The following NETO1 variants were observed in gnomAD, a reference collection of about 807,000 sequenced individuals.
NETO1 encodes neuropilin and tolloid like 1.
NETO1 carries 26 observed loss-of-function variants against 61.3 expected under a neutral mutation model. The observed-to-expected ratio is 0.42, with a 90% CI of 0.31 to 0.59. The LOEUF (loss-of-function observed/expected upper bound fraction) is 0.59. NETO1 is among the 20% of genes least tolerant of loss of function. The pLI, the probability that NETO1 is intolerant of heterozygous loss-of-function variation, is 0.12. For missense variants in NETO1, 531 were observed against 662.8 expected, an observed-to-expected ratio of 0.80 and a Z score of 2.18; for synonymous variants, 225 against 225.8, an observed-to-expected ratio of 1.00 and a Z score of 0.03.
In NETO1 at chr18:72,861,232, A is replaced by T. The variant is rs116504416; in HGVS notation, c.221-2158T>A. 1.8e-3 allele frequency among the ~76,000 whole-genome samples: 270 copies of T among 152,348 alleles called. 3 individuals are homozygous for T. Among genetic ancestry groups the T allele is most frequent in the African/African-American group, 5.8e-3 (242 of 41,574 alleles). On this transcript the variant is annotated intron_variant, in intron 3 of 10. Transcript: ENST00000327305. ...TATGGCTTTTGGTAGGCAACATTGT[A>T]TGTGGATGATTTATTTTCTTTTGGT...
chr18:72,749,742 T>C (rs997668510), intron 9 of NETO1, among the ~76,000 whole-genome samples: 3 of 152,162 alleles, frequency 2.0e-5, no homozygotes, highest in Non-Finnish European at 4.4e-5. Flanking sequence ...GAAGTAAGTT[T>C]GCATTATAAA....
intron 7 of NETO1, among the ~76,000 whole-genome samples, chr18:72,779,388 C>A (rs1259889707): frequency 3.3e-5 from 5 of 151,842 alleles, no homozygotes; most frequent in Admixed American, 2.0e-4. Context: ...TTAACTATCA[C>A]CCTCTACAAG....
At chr18:72,865,277 C>G (rs375033790) in intron 1 of NETO1, 36 bp from the exon 2 acceptor site, 2 of 1,462,136 alleles carry the variant, frequency 1.4e-6, no homozygotes, top group Non-Finnish European at 1.9e-6. Context: ...ATAAAATACA[C>G]TGAAATGATC....
intron 6 of NETO1, among the ~76,000 whole-genome samples, chr18:72,787,872 C>A (rs1016784032): frequency 1.3e-5 from 2 of 151,986 alleles, no homozygotes; most frequent in Admixed American, 1.3e-4. Flanking sequence ...AGAAAACAAT[C>A]AAAAACAAAA....
intron 7 of NETO1, among the ~76,000 whole-genome samples, chr18:72,766,894 C>T (rs1487231158): frequency 6.6e-6 from 1 of 152,154 alleles, no homozygotes; most frequent in Non-Finnish European, 1.5e-5. Flanking sequence ...ATTATGTCTG[C>T]CTTGATTCAG....
chr18:72,780,229 C>T (rs906824287), intron 7 of NETO1, among the ~76,000 whole-genome samples: 2 of 152,162 alleles, frequency 1.3e-5, no homozygotes, highest in South Asian at 4.1e-4. Context: ...TGTTGTAAAA[C>T]TCATCATTTG....
intron 6 of NETO1, among the ~76,000 whole-genome samples, chr18:72,792,573 C>T (rs1037260402): frequency 2.0e-5 from 3 of 151,728 alleles, no homozygotes; most frequent in South Asian, 4.2e-4. Flanking sequence ...CTGGAATTAC[C>T]GCCACAGCTT....
At chr18:72,820,382 A>ATACTTCAATACTTTCCTTATTTAT in intron 4 of NETO1, among the ~76,000 whole-genome samples, 1 of 152,224 alleles carries the variant, frequency 6.6e-6, no homozygotes, top group African/African-American at 2.4e-5. Context: ...AGCAAAATCA[A>ATACTTCAATACTTTCCTTATTTAT]TGATGGAATA....
chr18:72,835,042 T>C, intron 4 of NETO1: 1 of 1,031,092 alleles, frequency 9.7e-7, no homozygotes, highest in Non-Finnish European at 1.2e-6. Context: ...AGGAGAATGG[T>C]GAGGAAAGGA....
chr18:72,864,016 T>C (rs1032977496), intron 3 of NETO1, among the ~76,000 whole-genome samples: 1 of 152,046 alleles, frequency 6.6e-6, no homozygotes, highest in Non-Finnish European at 1.5e-5. Context: ...GGTCATGAGT[T>C]TGAGACCAGC....
chr18:72,788,071 A>G (rs1276859929), intron 6 of NETO1, among the ~76,000 whole-genome samples: 4 of 152,172 alleles, frequency 2.6e-5, no homozygotes, highest in African/African-American at 9.7e-5. Flanking sequence ...TAGAAAGTCA[A>G]TTTGCATATT....
chr18:72,758,054 G>T (rs2070843322), intron 7 of NETO1, among the ~76,000 whole-genome samples: 1 of 75,650 alleles, frequency 1.3e-5, no homozygotes, highest in African/African-American at 5.7e-5. Context: ...TAAATAGGAA[G>T]GGGTAGTTTA....
intron 4 of NETO1, among the ~76,000 whole-genome samples, chr18:72,853,551 A>G (rs2074321940): frequency 6.6e-6 from 1 of 152,042 alleles, no homozygotes; most frequent in Non-Finnish European, 1.5e-5. Flanking sequence ...TGAGGCCAGG[A>G]GTTCAAGACT....
At chr18:72,813,283 G>A (rs1392439066) in intron 4 of NETO1, among the ~76,000 whole-genome samples, 2 of 152,210 alleles carry the variant, frequency 1.3e-5, no homozygotes, top group Non-Finnish European at 2.9e-5. Context: ...ACATTTAAGT[G>A]ACAAGGGTTA....
intron 4 of NETO1, among the ~76,000 whole-genome samples, chr18:72,812,896 T>TA (rs1399183779): frequency 6.6e-6 from 1 of 152,218 alleles, no homozygotes; most frequent in Admixed American, 6.5e-5. Context: ...CTATGACACA[T>TA]AAATTGTGTA....
chr18:72,823,247 G>T (rs1342877749), intron 4 of NETO1, among the ~76,000 whole-genome samples: 1 of 152,186 alleles, frequency 6.6e-6, no homozygotes, highest in Non-Finnish European at 1.5e-5. Context: ...TAGTCTGGTA[G>T]TGAGAGACAA....
At chr18:72,757,486 C>T (rs1005073693) in intron 7 of NETO1, among the ~76,000 whole-genome samples, 5 of 151,924 alleles carry the variant, frequency 3.3e-5, no homozygotes, top group Admixed American at 1.3e-4. Flanking sequence ...GGTTCTTCAT[C>T]CCCTACCTCC....
At position 72,864,143 on chromosome 18, in the gene NETO1, CA is replaced by C. The variant is rs754053874; in HGVS notation, c.220+664del. Among the ~76,000 whole-genome samples the C allele has an allele frequency of 7.2e-5, 11 of 151,960 alleles. 1 individual carries two copies. The East Asian group carries it at 1.9e-3, about 27-fold the overall frequency. ...CTGAGGCAGGAGAATCGCTGGAACT[CA>C]GGGGACTCTCGCTTTGTCTCAAAAA... On this transcript the variant is annotated intron_variant, in intron 3 of 10. Coordinates refer to ENST00000327305, the MANE Select transcript of NETO1 (RefSeq NM_138966.5).
intron 4 of NETO1, among the ~76,000 whole-genome samples, chr18:72,845,770 A>C (rs980173511): frequency 2.0e-5 from 3 of 152,246 alleles, no homozygotes; most frequent in Non-Finnish European, 4.4e-5. Context: ...CATCCAAACC[A>C]TACACTAAAT....
Sources: gnomAD v4.1 joint callset for allele counts (sites outside exome capture counted in the v4.1 genomes callset) on GRCh38, gnomAD v4.1.1 for gene constraint, MANE v1.5 for transcripts, NCBI Gene and HGNC (gene_info 2026-07-23, HGNC 2026-07-21) for gene names.